Variants in MICU1 observed in about 807,000 individuals in gnomAD.
MICU1 encodes the protein calcium uptake protein 1, mitochondrial.
Under a neutral mutation model 56.8 loss-of-function variants are expected in MICU1, and 45 were observed. The observed-to-expected ratio is 0.79, with a 90% CI of 0.62 to 1.02. MICU1 has a LOEUF of 1.02. Among genes scored for constraint, MICU1 ranks in the 50% least tolerant of loss-of-function variants. MICU1 has a pLI of 0.00. For synonymous variants in MICU1, 186 were observed against 195.1 expected, an observed-to-expected ratio of 0.95 and a Z score of 0.39; for missense variants, 504 against 587.1, an observed-to-expected ratio of 0.86 and a Z score of 1.46.
rs1044135704 is a variant in MICU1, at chr10:72,595,131, G to A, written c.-1-28337C>T. On this transcript the variant is annotated intron_variant, in intron 1 of 11. Coordinates refer to ENST00000361114, the MANE Select transcript of MICU1 (RefSeq NM_001195518.2). The stretch of plus-strand genomic sequence containing the variant: ...TAAATCCAAGAATAGAGACCTAGTG[G>A]GAGAAATGATCATGCCTGTACATAA... Among the ~76,000 whole-genome samples, 26 of 151,738 alleles carry A rather than the reference G, an allele frequency of 1.7e-4. 2 individuals carry two copies.
chr10:72,450,050 C>T (rs368460816), intron 8 of MICU1, among the ~76,000 whole-genome samples: 4 of 151,958 alleles, frequency 2.6e-5, no homozygotes, highest in South Asian at 4.2e-4. Context: ...CTCTGGGAAG[C>T]ACTAAGGAAA....
At chr10:72,433,872 G>A (rs897323098) in intron 8 of MICU1, among the ~76,000 whole-genome samples, 4 of 152,228 alleles carry the variant, frequency 2.6e-5, no homozygotes, top group South Asian at 2.1e-4. Context: ...AATCAATGAC[G>A]ATGATTAAAT....
intron 8 of MICU1, among the ~76,000 whole-genome samples, chr10:72,436,477 A>G (rs959636984): frequency 3.9e-5 from 6 of 152,224 alleles, no homozygotes; most frequent in African/African-American, 1.2e-4. Flanking sequence ...CAGAAAAGCT[A>G]AAAATTCTAA....
At chr10:72,509,012 A>T (rs1199525945) in intron 5 of MICU1, among the ~76,000 whole-genome samples, 1 of 152,186 alleles carries the variant, frequency 6.6e-6, no homozygotes, top group East Asian at 1.9e-4. Context: ...GTTAGTTCTC[A>T]GCTTTGGTAA....
chr10:72,465,681 T>G (rs1344581420), intron 8 of MICU1, among the ~76,000 whole-genome samples: 1 of 151,868 alleles, frequency 6.6e-6, no homozygotes, highest in Admixed American at 6.6e-5. Flanking sequence ...ACCTGGCTAA[T>G]TTTTGTATTC....
At chr10:72,507,257 C>A (rs964507356) in intron 6 of MICU1, among the ~76,000 whole-genome samples, 1 of 151,556 alleles carries the variant, frequency 6.6e-6, no homozygotes, top group African/African-American at 2.4e-5. Flanking sequence ...ACATGGAGAG[C>A]TATGAACATA....
chr10:72,609,501 G>A (rs1196624521), intron 1 of MICU1, among the ~76,000 whole-genome samples: 4 of 152,016 alleles, frequency 2.6e-5, no homozygotes, highest in African/African-American at 2.4e-5. Context: ...TTGGGAGGCC[G>A]AGGCGGGCAG....
At chr10:72,624,045 G>C (rs1842172866) in intron 1 of MICU1, among the ~76,000 whole-genome samples, 2 of 152,066 alleles carry the variant, frequency 1.3e-5, no homozygotes, top group Admixed American at 1.3e-4. Context: ...GACTGAAGGT[G>C]GCAAAATTGG....
intron 10 of MICU1, among the ~76,000 whole-genome samples, chr10:72,392,801 A>G (rs1387988816): frequency 6.6e-6 from 1 of 152,236 alleles, no homozygotes; most frequent in African/African-American, 2.4e-5. Flanking sequence ...ACTCAAACCA[A>G]TGGAAAGAAT....
Position 72,368,136 on chromosome 10 carries a change from A to C in MICU1, c.*59T>G. 1 of 1,545,312 alleles carries C rather than the reference A, an allele frequency of 6.5e-7. No homozygotes were observed. The highest frequency in any genetic ancestry group is 8.8e-7 in the Non-Finnish European group (1 of 1,133,686). On this transcript the variant is annotated 3_prime_UTR_variant, in exon 12 of 12. Coordinates refer to ENST00000361114, the MANE Select transcript of MICU1 (RefSeq NM_001195518.2). ...CAGCAGCACAAAGGGCTCTGCCGAG[A>C]CTCTGCGGAGGGGGTCCAGGGTACT...
chr10:72,509,875 A>C (rs1486686300), intron 5 of MICU1, among the ~76,000 whole-genome samples: 1 of 152,210 alleles, frequency 6.6e-6, no homozygotes, highest in Non-Finnish European at 1.5e-5. Flanking sequence ...TTAATATTTA[A>C]ATTTCTCAAA....
In MICU1 at chr10:72,577,967, C is replaced by T. The variant is rs117385793; in HGVS notation, c.-1-11173G>A. ...TATTCCATAAACTTTGTTGATAAGG[C>T]AGCAGCAGGGTTTGGGAGAACTGAC... On this transcript the variant is annotated intron_variant, in intron 1 of 11. Transcript: ENST00000361114. Among the ~76,000 whole-genome samples the T allele has an allele frequency of 6.7e-3, 1,025 of 152,240 alleles. 18 individuals carry two copies. Among genetic ancestry groups the T allele is most frequent in the East Asian group, 0.048 (249 of 5,178 alleles).
intron 1 of MICU1, among the ~76,000 whole-genome samples, chr10:72,593,032 C>G (rs1841273451): frequency 6.6e-6 from 1 of 151,916 alleles, no homozygotes; most frequent in South Asian, 2.1e-4. Flanking sequence ...GTGATCCACC[C>G]ACTTCGCCCT....
intron 6 of MICU1, among the ~76,000 whole-genome samples, chr10:72,484,138 T>C (rs1866388480): frequency 6.6e-6 from 1 of 152,182 alleles, no homozygotes; most frequent in Non-Finnish European, 1.5e-5. Flanking sequence ...GGGACCAGAC[T>C]ACATAGTGTA....
At chr10:72,575,482 G>A (rs530042547) in intron 1 of MICU1, among the ~76,000 whole-genome samples, 1 of 152,262 alleles carries the variant, frequency 6.6e-6, no homozygotes, top group Non-Finnish European at 1.5e-5. Context: ...TACACTTCAT[G>A]GAGATTGCAT....
intron 1 of MICU1, among the ~76,000 whole-genome samples, chr10:72,608,087 G>A (rs1305225520): frequency 6.6e-6 from 1 of 151,416 alleles, no homozygotes. Flanking sequence ...TTTTTTTTGA[G>A]ACAGGGTGTC....
intron 1 of MICU1, among the ~76,000 whole-genome samples, chr10:72,608,589 A>C (rs1181542914): frequency 6.6e-6 from 1 of 152,208 alleles, no homozygotes; most frequent in Non-Finnish European, 1.5e-5. Context: ...ATTATAAAAA[A>C]CTAGAATATT....
chr10:72,434,671 T>C (rs1471078074), intron 8 of MICU1, among the ~76,000 whole-genome samples: 1 of 152,208 alleles, frequency 6.6e-6, no homozygotes, highest in Non-Finnish European at 1.5e-5. Context: ...GCTCCAAATT[T>C]AGGAGTTAAG....
At chr10:72,414,042 G>T (rs1165175284) in intron 9 of MICU1, among the ~76,000 whole-genome samples, 1 of 152,176 alleles carries the variant, frequency 6.6e-6, no homozygotes, top group Non-Finnish European at 1.5e-5. Context: ...GATGTGAAAT[G>T]GTTCCACCAC....
Sources: allele counts gnomAD v4.1 joint callset (sites outside exome capture counted in the v4.1 genomes callset), GRCh38; gene constraint gnomAD v4.1.1; transcripts MANE v1.5; gene names NCBI Gene and HGNC (gene_info 2026-07-23, HGNC 2026-07-21).